The following UBE3A variants were observed in gnomAD, a reference collection of about 807,000 sequenced individuals.
The protein encoded by UBE3A is ubiquitin-protein ligase E3A.
In UBE3A, 6 loss-of-function variants were observed where a neutral mutation model predicts 83.4. That is an observed-to-expected ratio of 0.07 (90% CI 0.04 to 0.14). The LOEUF (loss-of-function observed/expected upper bound fraction) is 0.14. Among genes scored for constraint, UBE3A ranks in the 10% least tolerant of loss-of-function variants. UBE3A has a pLI of 1.00. For missense variants in UBE3A, 456 were observed against 1,036.1 expected (o/e 0.44, Z 7.69); for synonymous variants, 337 against 355.4 (o/e 0.95, Z 0.58).
intron 6 of UBE3A, among the ~76,000 whole-genome samples, chr15:25,361,143 T>G (rs2078015725): frequency 9.2e-6 from 1 of 108,752 alleles, no homozygotes; most frequent in African/African-American, 3.2e-5. Context: ...TTTTTTTTTT[T>G]GACATGAAAT....
chr15:25,438,559 C>G lies in UBE3A; in HGVS notation c.-235G>C. ...CGTAGTCGCCCTCGCCCGCCGCCTC[C>G]GCCCGCCACCGCCTCGTTCTCTTTC... On this transcript the variant is annotated 5_prime_UTR_variant, in exon 1 of 13. Transcript: ENST00000648336. The G allele has an allele frequency of 6.5e-6, 1 of 153,950 alleles. No homozygotes were observed. The highest frequency in any genetic ancestry group is 1.8e-4 in the South Asian group (1 of 5,536). 9.5% of individuals were successfully genotyped at this position (153,950 alleles called of 1,614,324 possible).
chr15:25,367,024 C>CT (rs1460681715), intron 6 of UBE3A, among the ~76,000 whole-genome samples: 5 of 151,464 alleles, frequency 3.3e-5, no homozygotes, highest in African/African-American at 1.2e-4. Context: ...GATGGCAATA[C>CT]TATATTCTTC....
intron 3 of UBE3A, chr15:25,407,446 CTG>C (rs2088899364): frequency 4.7e-6 from 1 of 214,772 alleles, no homozygotes; most frequent in African/African-American, 2.4e-5. Flanking sequence ...CAATATGTAA[CTG>C]TTACAAAGTT....
At chr15:25,400,402 G>A (rs901998587) in intron 4 of UBE3A, among the ~76,000 whole-genome samples, 2 of 152,080 alleles carry the variant, frequency 1.3e-5, no homozygotes, top group African/African-American at 4.8e-5. Context: ...CTAATACAAC[G>A]TAAATGCTAT....
chr15:25,421,144 G>C (rs1482602400), intron 1 of UBE3A, among the ~76,000 whole-genome samples: 1 of 152,170 alleles, frequency 6.6e-6, no homozygotes, highest in Non-Finnish European at 1.5e-5. Flanking sequence ...ATAGCTTGGT[G>C]CTCTCCTTGG....
rs1255580824 is a variant in UBE3A at position 25,336,812 on chromosome 15, T to G, written c.*2325A>C. The G allele has an allele frequency of 2.6e-5, 4 of 152,134 alleles. No homozygotes were observed. Among genetic ancestry groups the G allele is most frequent in the African/African-American group, 9.7e-5 (4 of 41,442 alleles). 9.4% of individuals were successfully genotyped at this position (152,134 alleles called of 1,614,324 possible). A position where few individuals can be genotyped will look rare whatever the true frequency, so the allele number is the denominator to read the frequency against. ...TTTTCCCTCCAGAGCTTCCTGGAGATTGAGGTCTAATTCAAAGAAAACCAA... is the reference window on the plus strand; with the variant it reads ...TTTTCCCTCCAGAGCTTCCTGGAGAGTGAGGTCTAATTCAAAGAAAACCAA... On this transcript the variant is annotated 3_prime_UTR_variant, in exon 13 of 13. Transcript: ENST00000648336.
At chr15:25,340,318 T>TA in intron 11 of UBE3A, 90 bp from the exon 12 acceptor site, 1 of 1,451,056 alleles carries the variant, frequency 6.9e-7, no homozygotes, top group Non-Finnish European at 9.6e-7. Context: ...AAAACTATAT[T>TA]AAGAGACAAC....
At chr15:25,396,906 C>G (rs1454557797) in intron 4 of UBE3A, among the ~76,000 whole-genome samples, 1 of 152,088 alleles carries the variant, frequency 6.6e-6, no homozygotes, top group Non-Finnish European at 1.5e-5. Context: ...CAAGGCGTTA[C>G]TTAAAATATC....
intron 1 of UBE3A, among the ~76,000 whole-genome samples, chr15:25,417,415 T>C (rs1038107248): frequency 2.0e-5 from 3 of 151,980 alleles, no homozygotes; most frequent in Admixed American, 2.0e-4. Flanking sequence ...GCATCCAATC[T>C]TAAAAAATCA....
At chr15:25,400,253 G>A (rs1289641585) in intron 4 of UBE3A, among the ~76,000 whole-genome samples, 1 of 151,922 alleles carries the variant, frequency 6.6e-6, no homozygotes, top group Non-Finnish European at 1.5e-5. Flanking sequence ...TCATCCCTCG[G>A]TATCTGCAGG....
At chr15:25,427,601 A>AC (rs1276341960) in intron 1 of UBE3A, among the ~76,000 whole-genome samples, 6 of 79,286 alleles carry the variant, frequency 7.6e-5, no homozygotes, top group Admixed American at 1.9e-4. Flanking sequence ...CCCCATCTCT[A>AC]CAAAAAAAAA....
At chr15:25,339,408 T>G in intron 12 of UBE3A, 151 bp from the exon 13 acceptor site, 1 of 966,202 alleles carries the variant, frequency 1.0e-6, no homozygotes, top group Non-Finnish European at 1.5e-6. Flanking sequence ...TTTTGTTGTG[T>G]AACTACCAAG....
intron 1 of UBE3A, among the ~76,000 whole-genome samples, chr15:25,431,042 G>A (rs892683696): frequency 1.3e-5 from 2 of 152,186 alleles, no homozygotes; most frequent in Admixed American, 6.5e-5. Flanking sequence ...TGATTTATGT[G>A]TATAAAAGAC....
intron 7 of UBE3A, chr15:25,357,587 C>G (rs1434589950): frequency 6.6e-6 from 1 of 152,224 alleles, no homozygotes; most frequent in Admixed American, 6.5e-5. Context: ...ACCTCGTGAT[C>G]TGCCAGCCTC....
chr15:25,350,448 C>A (rs2076338459), intron 11 of UBE3A, among the ~76,000 whole-genome samples: 1 of 150,822 alleles, frequency 6.6e-6, no homozygotes, highest in Admixed American at 6.6e-5. Context: ...TAACTGAAAC[C>A]AAAAAAAAGC....
chr15:25,434,086 TAAAC>T (rs1387411718), intron 1 of UBE3A, among the ~76,000 whole-genome samples: 2 of 151,706 alleles, frequency 1.3e-5, no homozygotes, highest in South Asian at 2.1e-4. Flanking sequence ...ATAAGTAAAA[TAAAC>T]AAAAAGAAAA....
chr15:25,380,062 T>A (rs2081922492), intron 4 of UBE3A, among the ~76,000 whole-genome samples: 1 of 152,110 alleles, frequency 6.6e-6, no homozygotes, highest in South Asian at 2.1e-4. Flanking sequence ...GGGGGCAGTT[T>A]CCCACATGCT....
intron 11 of UBE3A, chr15:25,346,295 CCAGTGGACTGAG>C (rs1463877519): frequency 2.6e-5 from 4 of 152,476 alleles, no homozygotes; most frequent in Non-Finnish European, 2.9e-5. Context: ...AGTGCGAGCC[CCAGTGGACTGAG>C]ATAAAAGCAA....
intron 5 of UBE3A, chr15:25,374,715 CTT>C (rs2152842231): frequency 6.6e-6 from 1 of 152,148 alleles, no homozygotes; most frequent in East Asian, 1.9e-4. Context: ...AAAAAAAAAG[CTT>C]TCTCTCTTAA....
Sources: allele counts gnomAD v4.1 joint callset (sites outside exome capture counted in the v4.1 genomes callset), GRCh38; gene constraint gnomAD v4.1.1; transcripts MANE v1.5; gene names NCBI Gene and HGNC (gene_info 2026-07-23, HGNC 2026-07-21).